Variants in DRD3 observed in about 807,000 individuals in gnomAD.
DRD3 encodes the protein D(3) dopamine receptor.
DRD3 carries 19 observed loss-of-function variants against 36.3 expected under a neutral mutation model. The ratio of observed to expected loss-of-function variants is 0.52; its 90% CI spans 0.36 to 0.77. The LOEUF (loss-of-function observed/expected upper bound fraction) is 0.77. DRD3 is among the 30% of genes least tolerant of loss of function. DRD3 has a pLI of 0.00. For synonymous variants in DRD3, 195 were observed against 203.7 expected (o/e 0.96, Z 0.36); for missense variants, 465 against 505.3 (o/e 0.92, Z 0.77).
At chr3:114,143,675 C>T (rs776683129) in intron 4 of DRD3, among the ~76,000 whole-genome samples, 8 of 152,188 alleles carry the variant, frequency 5.3e-5, no homozygotes, top group Admixed American at 2.6e-4. Flanking sequence ...TTTTGTGCAA[C>T]TAAGCTCCCC....
chr3:114,156,900 C>A (rs1559991348), intron 3 of DRD3, among the ~76,000 whole-genome samples: 3 of 123,126 alleles, frequency 2.4e-5, no homozygotes, highest in Non-Finnish European at 5.1e-5. Context: ...CTTCTCTTTT[C>A]TTCCTTCCTT....
Position 114,175,573 on chromosome 3 carries a change from A to T in DRD3, c.-36+3084T>A, listed in dbSNP as rs145032064. ...TTTGCTTTCATCTCCCACATCCACAACTCATCAGAAACTACCTGAACAATC... is the reference window on the plus strand; with the variant it reads ...TTTGCTTTCATCTCCCACATCCACATCTCATCAGAAACTACCTGAACAATC... On this transcript the variant is annotated intron_variant, in intron 1 of 6. Transcript: ENST00000383673. 6.0e-3 allele frequency among the ~76,000 whole-genome samples: 919 copies of T among 152,282 alleles called. 7 individuals are homozygous for T. The highest frequency in any genetic ancestry group is 0.011 in the Non-Finnish European group (722 of 68,016).
intron 3 of DRD3, among the ~76,000 whole-genome samples, chr3:114,151,787 T>A (rs2077620284): frequency 6.6e-6 from 1 of 152,084 alleles, no homozygotes; most frequent in African/African-American, 2.4e-5. Flanking sequence ...ACCTCTGAGG[T>A]GTGTTTCTCC....
At chr3:114,138,168 CAAAAAAAAA>C (rs35536800) in intron 5 of DRD3, among the ~76,000 whole-genome samples, 1 of 74,134 alleles carries the variant, frequency 1.3e-5, no homozygotes, top group Non-Finnish European at 2.6e-5. Context: ...GACTCTGTCT[CAAAAAAAAA>C]AAAAAAAAAA....
Position 114,128,878 on chromosome 3 carries a change from C to T in DRD3, c.1041G>A (p.Leu347=). ...GGCAGTGGGTATTGAGAACATGGGTCAAGAAGAAGGGCAGCCAGCAGACAA... is the reference window on the plus strand; with the variant it reads ...GGCAGTGGGTATTGAGAACATGGGTTAAGAAGAAGGGCAGCCAGCAGACAA... ...AFIVCWLPFF[L]THVLNTHCQT... The change falls in exon 7 of 7, where the codon TTG becomes TTA. Residue 347 remains leucine, a synonymous_variant. Coordinates refer to ENST00000383673, the MANE Select transcript of DRD3 (RefSeq NM_000796.6). 1.9e-6 allele frequency: 3 copies of T among 1,607,964 alleles called. No homozygotes were observed. In the South Asian group the frequency reaches 3.3e-5, roughly 18 times the overall value.
chr3:114,165,366 G>C (rs1316060302), intron 2 of DRD3, among the ~76,000 whole-genome samples: 4 of 152,092 alleles, frequency 2.6e-5, no homozygotes, highest in Non-Finnish European at 4.4e-5. Flanking sequence ...GGAAGGTGGA[G>C]GTTGCAGTGA....
intron 1 of DRD3, 97 bp from the exon 2 acceptor site, chr3:114,172,124 T>G: frequency 9.9e-7 from 1 of 1,009,648 alleles, no homozygotes. Context: ...CAAATATTTA[T>G]TGAGCATTTT....
chr3:114,191,246 T>C (rs940862743), intron 1 of DRD3, among the ~76,000 whole-genome samples: 1 of 151,698 alleles, frequency 6.6e-6, no homozygotes. Context: ...TGCAGAGAGG[T>C]AGAATTGGGT....
In DRD3 at chr3:114,190,411, A is replaced by T. The variant is rs553125164; in HGVS notation, c.-156+8862T>A. ...ATGCATCCTAGAGAGGAAAAAGGAT[A>T]ATATATATATATATATATATATATA... On this transcript the variant is annotated intron_variant, in intron 1 of 7. Transcript: ENST00000460779. 3.2e-4 allele frequency among the ~76,000 whole-genome samples: 13 copies of T among 40,884 alleles called. 1 individual carries two copies. The East Asian group carries it at 5.5e-3, about 17-fold the overall frequency. The allele number at this position is 40,884 out of a possible 152,430, so 26.8% of individuals were successfully genotyped here.
intron 2 of DRD3, among the ~76,000 whole-genome samples, chr3:114,162,815 G>A (rs2107870334): frequency 6.6e-6 from 1 of 152,238 alleles, no homozygotes; most frequent in East Asian, 1.9e-4. Flanking sequence ...TAGATACTAG[G>A]GGAAAGAAGA....
chr3:114,131,134 C>T lies in DRD3; in HGVS notation c.990G>A (p.Met330Ile). ...CAAACTTACCAAGCACAATGGCCACCATTTGGGTTGCCTTCTTCTCCCGAA... is the reference window on the plus strand; with the variant it reads ...CAAACTTACCAAGCACAATGGCCACTATTTGGGTTGCCTTCTTCTCCCGAA... Reference protein sequence around the residue: ...VPLREKKATQMVAIVLGAFIV... With the variant: ...VPLREKKATQIVAIVLGAFIV... The change falls in exon 6 of 7, where the codon ATG (methionine) becomes ATA (isoleucine). Residue 330 changes from methionine to isoleucine, a missense_variant. Met to Ile is a conservative substitution (Grantham distance 10). Coordinates refer to ENST00000383673, the MANE Select transcript of DRD3 (RefSeq NM_000796.6). The T allele has an allele frequency of 1.2e-6, 2 of 1,613,918 alleles. No individual in the cohort carries two copies. The highest frequency in any genetic ancestry group is 1.7e-6 in the Non-Finnish European group (2 of 1,179,774).
At chr3:114,176,522 T>C (rs2077900824) in intron 1 of DRD3, among the ~76,000 whole-genome samples, 1 of 152,146 alleles carries the variant, frequency 6.6e-6, no homozygotes, top group Non-Finnish European at 1.5e-5. Context: ...GGAAGATTGC[T>C]TGAGTCCAGG....
At chr3:114,190,620 C>T (rs2078006157) in intron 1 of DRD3, among the ~76,000 whole-genome samples, 1 of 150,042 alleles carries the variant, frequency 6.7e-6, no homozygotes, top group Non-Finnish European at 1.5e-5. Context: ...GTTGGCTCTG[C>T]CCTGAACAGC....
chr3:114,158,820 G>A (rs908758734), intron 3 of DRD3, among the ~76,000 whole-genome samples: 2 of 152,198 alleles, frequency 1.3e-5, no homozygotes, highest in African/African-American at 4.8e-5. Flanking sequence ...GTGGATGGAT[G>A]ATATTACTGG....
intron 1 of DRD3, among the ~76,000 whole-genome samples, chr3:114,178,443 GA>G (rs1339477885): frequency 1.3e-5 from 2 of 151,746 alleles, no homozygotes. Flanking sequence ...AATTTTGGGG[GA>G]AAAAATAAAA....
chr3:114,158,440 T>G (rs1460810118), intron 3 of DRD3, among the ~76,000 whole-genome samples: 1 of 152,190 alleles, frequency 6.6e-6, no homozygotes, highest in Non-Finnish European at 1.5e-5. Context: ...TTTGTGTAAT[T>G]TCTAGACATT....
intron 1 of DRD3, among the ~76,000 whole-genome samples, chr3:114,177,036 T>C (rs768477327): frequency 2.0e-5 from 3 of 152,146 alleles, no homozygotes; most frequent in Non-Finnish European, 4.4e-5. Flanking sequence ...AGAGCTCATG[T>C]TCTTAACTAT....
At chr3:114,196,474 C>G (rs559224493) in intron 1 of DRD3, among the ~76,000 whole-genome samples, 2 of 152,248 alleles carry the variant, frequency 1.3e-5, no homozygotes, top group South Asian at 2.1e-4. Flanking sequence ...ATCACCATGC[C>G]TGGTGGGATT....
At chr3:114,186,484 G>A (rs184414471) in intron 1 of DRD3, among the ~76,000 whole-genome samples, 44 of 152,278 alleles carry the variant, frequency 2.9e-4, no homozygotes, top group Admixed American at 2.7e-3. Flanking sequence ...CAGTGGGGGA[G>A]GTGCAACAAC....
Sources: gnomAD v4.1 joint callset for allele counts (sites outside exome capture counted in the v4.1 genomes callset) on GRCh38, gnomAD v4.1.1 for gene constraint, MANE v1.5 for transcripts, NCBI Gene and HGNC (gene_info 2026-07-23, HGNC 2026-07-21) for gene names.